LRP1B: variants seen among roughly 807,000 people sequenced by gnomAD.
LRP1B encodes the protein low-density lipoprotein receptor-related protein 1B.
In LRP1B, 217 loss-of-function variants were observed where a neutral mutation model predicts 556.6. The ratio of observed to expected loss-of-function variants is 0.39; its 90% CI spans 0.35 to 0.44. The LOEUF is 0.44. Among genes scored for constraint, LRP1B ranks in the 20% least tolerant of loss-of-function variants. The pLI is 1.00. For synonymous variants in LRP1B, 2,047 were observed against 1,865.8 expected, an observed-to-expected ratio of 1.10 and a Z score of -2.50; for missense variants, 5,053 against 5,620.8, an observed-to-expected ratio of 0.90 and a Z score of 3.23.
intron 85 of LRP1B, among the ~76,000 whole-genome samples, chr2:140,271,621 C>T (rs749319023): frequency 1.3e-5 from 2 of 151,900 alleles, no homozygotes; most frequent in Non-Finnish European, 2.9e-5. Flanking sequence ...TTTGTGAAAT[C>T]ACATTTCTTT....
At chr2:140,525,151 G>A (rs900837655) in intron 49 of LRP1B, among the ~76,000 whole-genome samples, 3 of 151,760 alleles carry the variant, frequency 2.0e-5, no homozygotes, top group African/African-American at 7.3e-5. Flanking sequence ...TAGCAGCAGG[G>A]TGGAGAGAGG....
chr2:141,243,516 A>C (rs1224162138), intron 5 of LRP1B, among the ~76,000 whole-genome samples: 1 of 152,176 alleles, frequency 6.6e-6, no homozygotes, highest in African/African-American at 2.4e-5. Flanking sequence ...AACATTAATT[A>C]CTAGCTTTTA....
chr2:141,318,203 T>C (rs35886473), intron 3 of LRP1B, among the ~76,000 whole-genome samples: 1 of 152,018 alleles, frequency 6.6e-6, no homozygotes, highest in South Asian at 2.1e-4. Context: ...CCATACCAGG[T>C]ACTACACTAA....
intron 18 of LRP1B, among the ~76,000 whole-genome samples, chr2:140,958,221 T>C (rs942528530): frequency 6.6e-6 from 1 of 151,588 alleles, no homozygotes; most frequent in Non-Finnish European, 1.5e-5. Flanking sequence ...AGAATATCTT[T>C]AGATATTTTT....
At chr2:141,964,256 T>A (rs922575488) in intron 1 of LRP1B, among the ~76,000 whole-genome samples, 1 of 151,032 alleles carries the variant, frequency 6.6e-6, no homozygotes, top group East Asian at 2.0e-4. Context: ...TTAATGTTCA[T>A]ATGGAACCAA....
At chr2:141,096,629 G>GAGGGAGAGAGA (rs1558858138) in intron 7 of LRP1B, among the ~76,000 whole-genome samples, 19 of 59,742 alleles carry the variant, frequency 3.2e-4, no homozygotes, top group African/African-American at 1.2e-3. Flanking sequence ...GGGGAGAGGG[G>GAGGGAGAGAGA]GAGAGAGAGA....
At chr2:141,756,554 C>T (rs1025342993) in intron 2 of LRP1B, among the ~76,000 whole-genome samples, 1 of 88,232 alleles carries the variant, frequency 1.1e-5, no homozygotes, top group Non-Finnish European at 3.1e-5. Context: ...TACACACACA[C>T]ACACACACAC....
At chr2:141,275,539 T>C (rs550238785) in intron 3 of LRP1B, among the ~76,000 whole-genome samples, 6 of 152,138 alleles carry the variant, frequency 3.9e-5, no homozygotes, top group Admixed American at 3.9e-4. Flanking sequence ...CAAAACCCCA[T>C]CTGTACAAAA....
chr2:141,537,520 AAAG>A lies in LRP1B; in HGVS notation c.206-56990_206-56988del, dbSNP rs1443617689. Among the ~76,000 whole-genome samples, 4 of 152,278 alleles carry A rather than the reference AAAG, an allele frequency of 2.6e-5. No individual in the cohort carries two copies. The East Asian group carries it at 7.7e-4, about 29-fold the overall frequency. On this transcript the variant is annotated intron_variant, in intron 2 of 90. Transcript: ENST00000389484. ...TTTATAATGCAAAGAACATTAGTCT[AAAG>A]AAAATTAACCTGAATATCAATTTCA...
At chr2:140,633,873 G>A (rs1683981837) in intron 41 of LRP1B, among the ~76,000 whole-genome samples, 2 of 152,108 alleles carry the variant, frequency 1.3e-5, no homozygotes, top group African/African-American at 4.8e-5. Context: ...TCAAACATTA[G>A]AGAACAAATG....
At chr2:141,127,138 C>T (rs563753124) in intron 7 of LRP1B, among the ~76,000 whole-genome samples, 4 of 151,972 alleles carry the variant, frequency 2.6e-5, no homozygotes, top group Non-Finnish European at 4.4e-5. Context: ...TGTTAGCTTG[C>T]TGAGAATGAT....
intron 1 of LRP1B, among the ~76,000 whole-genome samples, chr2:141,974,246 A>G (rs1701821524): frequency 6.6e-6 from 1 of 151,978 alleles, no homozygotes. Context: ...ATCATCCACC[A>G]TGTCTAGGAT....
At chr2:141,183,074 A>G (rs1437301953) in intron 7 of LRP1B, among the ~76,000 whole-genome samples, 1 of 151,956 alleles carries the variant, frequency 6.6e-6, no homozygotes, top group Non-Finnish European at 1.5e-5. Context: ...AAAGTGATAC[A>G]TAGTGGTTGG....
chr2:141,873,303 CA>C (rs1472318534), intron 1 of LRP1B, among the ~76,000 whole-genome samples: 2 of 151,838 alleles, frequency 1.3e-5, no homozygotes, highest in East Asian at 1.9e-4. Flanking sequence ...AAATAAAATA[CA>C]AAAAAATTAG....
chr2:141,926,522 T>G (rs1196107343), intron 1 of LRP1B, among the ~76,000 whole-genome samples: 1 of 152,080 alleles, frequency 6.6e-6, no homozygotes, highest in African/African-American at 2.4e-5. Flanking sequence ...CAGCTATATA[T>G]CTTAACTGTC....
chr2:141,307,886 C>A (rs530979420), intron 3 of LRP1B, among the ~76,000 whole-genome samples: 1 of 152,068 alleles, frequency 6.6e-6, no homozygotes, highest in Non-Finnish European at 1.5e-5. Flanking sequence ...GCAGGTGTGG[C>A]ACGGGTGATG....
At chr2:140,638,833 ATG>A in intron 41 of LRP1B, among the ~76,000 whole-genome samples, 1 of 151,354 alleles carries the variant, frequency 6.6e-6, no homozygotes, top group Admixed American at 6.6e-5. Context: ...AAAATTATAT[ATG>A]TGTATATATG....
intron 7 of LRP1B, among the ~76,000 whole-genome samples, chr2:141,126,278 C>T (rs906933425): frequency 4.6e-5 from 7 of 152,146 alleles, no homozygotes; most frequent in Non-Finnish European, 8.8e-5. Context: ...AGGTGATGCA[C>T]CCGCCTCGGA....
In LRP1B at chr2:140,650,949, T is replaced by A. The variant is rs867103814; in HGVS notation, c.6799+49301A>T. Among the ~76,000 whole-genome samples the A allele has an allele frequency of 3.9e-5, 6 of 152,182 alleles. No homozygotes were observed. In the East Asian group the frequency reaches 5.8e-4, roughly 15 times the overall value. On this transcript the variant is annotated intron_variant, in intron 41 of 90. Coordinates refer to ENST00000389484, the MANE Select transcript of LRP1B (RefSeq NM_018557.3). ...AGAATAAACATGTTAAAGTGAAAGA[T>A]GGCATGTATTGTTTTCTTAACCCCA...
Sources: allele counts gnomAD v4.1 joint callset (sites outside exome capture counted in the v4.1 genomes callset), GRCh38; gene constraint gnomAD v4.1.1; transcripts MANE v1.5; gene names NCBI Gene and HGNC (gene_info 2026-07-23, HGNC 2026-07-21).